The following SPAG17 variants were observed in gnomAD, a reference collection of about 807,000 sequenced individuals.
The protein encoded by SPAG17 is sperm-associated antigen 17.
A neutral mutation model predicts 273.6 loss-of-function variants in SPAG17; 169 were observed. The ratio of observed to expected loss-of-function variants is 0.62; its 90% CI spans 0.55 to 0.70. The LOEUF (loss-of-function observed/expected upper bound fraction) is 0.70. Ranked by LOEUF, SPAG17 falls within the 30% of genes least tolerant of loss-of-function variation. SPAG17 has a pLI of 0.00. For missense variants in SPAG17, 2,557 were observed against 2,627.8 expected (o/e 0.97, Z 0.59); for synonymous variants, 825 against 873.2 (o/e 0.94, Z 0.97).
At chr1:118,139,254 A>G (rs1206209556) in intron 3 of SPAG17, among the ~76,000 whole-genome samples, 3 of 152,214 alleles carry the variant, frequency 2.0e-5, no homozygotes, top group Non-Finnish European at 4.4e-5. Flanking sequence ...AATTAAAACC[A>G]TAATGTGGTA....
chr1:118,136,818 TG>T (rs1482959477), intron 3 of SPAG17, among the ~76,000 whole-genome samples: 2 of 151,906 alleles, frequency 1.3e-5, no homozygotes, highest in Non-Finnish European at 2.9e-5. Context: ...TGTGTGTGTG[TG>T]TGTGTGTGTG....
At chr1:118,097,942 A>G (rs1273796464) in intron 6 of SPAG17, 91 bp from the exon 7 acceptor site, 61 of 772,702 alleles carry the variant, frequency 7.9e-5, no homozygotes, top group Non-Finnish European at 1.1e-4. Flanking sequence ...GCATTGCAAG[A>G]TATCTGTACA....
intron 3 of SPAG17, among the ~76,000 whole-genome samples, chr1:118,148,344 T>A (rs151129467): frequency 1.3e-5 from 2 of 152,136 alleles, no homozygotes; most frequent in African/African-American, 4.8e-5. Flanking sequence ...CAGCAAGAGT[T>A]GTCACAAAGA....
chr1:118,026,689 C>A (rs1431896568), intron 26 of SPAG17, among the ~76,000 whole-genome samples: 4 of 152,060 alleles, frequency 2.6e-5, no homozygotes, highest in Non-Finnish European at 5.9e-5. Flanking sequence ...TAGTGACCAT[C>A]CAGCACTAAG....
At chr1:118,168,671 T>C (rs1331325172) in intron 1 of SPAG17, among the ~76,000 whole-genome samples, 2 of 152,194 alleles carry the variant, frequency 1.3e-5, no homozygotes, top group East Asian at 1.9e-4. Context: ...TAAGAGAATA[T>C]AGACACAGTA....
chr1:118,178,160 T>C (rs1660782587), intron 1 of SPAG17, among the ~76,000 whole-genome samples: 30 of 152,026 alleles, frequency 2.0e-4, no homozygotes, highest in Admixed American at 2.0e-3. Context: ...ATAAATATCA[T>C]TAAAATGGCC....
intron 3 of SPAG17, among the ~76,000 whole-genome samples, chr1:118,124,559 A>G (rs1657598330): frequency 1.3e-5 from 2 of 152,212 alleles, no homozygotes; most frequent in African/African-American, 4.8e-5. Context: ...TTGATTGTTT[A>G]TAGCTGCAAT....
chr1:118,035,585 G>C (rs1383581190), intron 24 of SPAG17, among the ~76,000 whole-genome samples: 1 of 152,130 alleles, frequency 6.6e-6, no homozygotes, highest in Non-Finnish European at 1.5e-5. Flanking sequence ...AAACTCAGTA[G>C]AGTACTAGGA....
chr1:118,003,115 G>A (rs899511315), intron 32 of SPAG17, among the ~76,000 whole-genome samples: 1 of 152,172 alleles, frequency 6.6e-6, no homozygotes, highest in Admixed American at 6.5e-5. Flanking sequence ...GAAATTTGGG[G>A]TTGAAAACTC....
chr1:117,983,090 C>A (rs1483665710), intron 42 of SPAG17, among the ~76,000 whole-genome samples: 1 of 152,148 alleles, frequency 6.6e-6, no homozygotes, highest in Non-Finnish European at 1.5e-5. Flanking sequence ...CACAGTTCCA[C>A]ATAGCTGGGG....
rs774576070 is a variant in SPAG17, at chr1:118,039,410, G to T, written c.3201C>A (p.Asp1067Glu). 9 of 1,613,264 alleles carry T rather than the reference G, an allele frequency of 5.6e-6. No homozygotes were observed. Among genetic ancestry groups the T allele is most frequent in the Non-Finnish European group, 3.4e-6 (4 of 1,179,628 alleles). Residue 1067 changes from aspartate (D) to glutamate (E), a missense_variant, in exon 23 of 49, where the codon GAC (aspartate) becomes GAA (glutamate). Transcript: ENST00000336338. ...PTFIKVRVVK[D>E]NHNFMIHLND... ...TTAAATGAATCATAAAATTGTGGTT[G>T]TCCTTTACCACTCTCACTTTGATAA... is the stretch of plus-strand genomic sequence containing the variant.
At chr1:118,104,581 G>A (rs1656273338) in intron 4 of SPAG17, among the ~76,000 whole-genome samples, 1 of 152,206 alleles carries the variant, frequency 6.6e-6, no homozygotes, top group Admixed American at 6.5e-5. Context: ...AATTGAGTCC[G>A]AGATCATGCT....
intron 20 of SPAG17, among the ~76,000 whole-genome samples, chr1:118,043,533 G>A (rs1650011686): frequency 6.6e-6 from 1 of 152,164 alleles, no homozygotes; most frequent in African/African-American, 2.4e-5. Context: ...ATGCTCTGGA[G>A]TTTATTTATG....
chr1:118,086,867 T>C lies in SPAG17; in HGVS notation c.1497+4A>G. Reference sequence around the variant, plus strand: ...GAAGACTCTGCTATCTCAGGCTATCTGACCTTTTTCTCCCTCTCTGAGAGA... The same window carrying C: ...GAAGACTCTGCTATCTCAGGCTATCCGACCTTTTTCTCCCTCTCTGAGAGA... On this transcript the variant is annotated splice_donor_region_variant and intron_variant, in intron 11 of 48. Coordinates refer to ENST00000336338, the MANE Select transcript of SPAG17 (RefSeq NM_206996.4). 1.2e-6 allele frequency: 2 copies of C among 1,614,196 alleles called. No homozygotes were observed. Among genetic ancestry groups the C allele is most frequent in the Non-Finnish European group, 1.7e-6 (2 of 1,180,024 alleles).
intron 1 of SPAG17, among the ~76,000 whole-genome samples, chr1:118,159,162 G>C (rs1659792351): frequency 6.6e-6 from 1 of 152,222 alleles, no homozygotes. Flanking sequence ...ATTAGAGAAA[G>C]AGCGCATTCC....
At chr1:118,140,028 G>A (rs188807458) in intron 3 of SPAG17, among the ~76,000 whole-genome samples, 3 of 152,166 alleles carry the variant, frequency 2.0e-5, no homozygotes, top group Non-Finnish European at 2.9e-5. Context: ...TAGCATATTC[G>A]CCCCCTTGCC....
chr1:118,090,784 G>A (rs868048849), intron 10 of SPAG17, among the ~76,000 whole-genome samples: 2 of 152,098 alleles, frequency 1.3e-5, no homozygotes, highest in African/African-American at 4.8e-5. Context: ...ATACTCAGGA[G>A]GCTGAAGTGG....
chr1:117,954,641 C>CT lies in SPAG17; in HGVS notation c.*1-593dup, dbSNP rs377110076. On this transcript the variant is annotated intron_variant, in intron 48 of 48. Transcript: ENST00000336338. ...GGCAGTATCTCAGTGAGTAAAATGT[C>CT]TAACGGTTTTCCTTTGTTTATTAAA... is the stretch of plus-strand genomic sequence containing the variant. 4.8e-5 allele frequency: 78 copies of CT among 1,610,276 alleles called. No individual in the cohort carries two copies. In the African/African-American group the frequency reaches 5.3e-4, roughly 11 times the overall value.
intron 1 of SPAG17, among the ~76,000 whole-genome samples, chr1:118,180,367 A>T (rs1269648192): frequency 6.6e-6 from 1 of 152,072 alleles, no homozygotes; most frequent in Non-Finnish European, 1.5e-5. Context: ...GTATGTTCTC[A>T]CTCTTATGTA....
Sources: gnomAD v4.1 joint callset for allele counts (sites outside exome capture counted in the v4.1 genomes callset) on GRCh38, gnomAD v4.1.1 for gene constraint, MANE v1.5 for transcripts, NCBI Gene and HGNC (gene_info 2026-07-23, HGNC 2026-07-21) for gene names.